REPS2: variants seen among roughly 807,000 people sequenced by gnomAD.
REPS2 encodes RALBP1 associated Eps domain containing 2, also known as ralBP1-associated Eps domain-containing protein 2.
A neutral mutation model predicts 53.6 loss-of-function variants in REPS2; 23 were observed. That is an observed-to-expected ratio of 0.43 (90% CI 0.31 to 0.61). The LOEUF (loss-of-function observed/expected upper bound fraction) is 0.61. Among genes scored for constraint, REPS2 ranks in the 20% least tolerant of loss-of-function variants. The pLI, the probability that REPS2 is intolerant of heterozygous loss-of-function variation, is 0.11. For synonymous variants in REPS2, 238 were observed against 218.6 expected, an observed-to-expected ratio of 1.09 and a Z score of -0.78; for missense variants, 446 against 534.9, an observed-to-expected ratio of 0.83 and a Z score of 1.64.
At chrX:17,073,702 T>C (rs781531581) in intron 11 of REPS2, among the ~76,000 whole-genome samples, 1 of 107,972 alleles carries the variant, frequency 9.3e-6, no homozygotes, top group African/African-American at 3.4e-5. Context: ...TGTAGTTAGA[T>C]AGACTTCTTC....
chrX:17,038,423 AGCTGG>A, intron 5 of REPS2, among the ~76,000 whole-genome samples: 1 of 111,906 alleles, frequency 8.9e-6, no homozygotes, highest in Non-Finnish European at 1.9e-5. Flanking sequence ...CGCACAGCAG[AGCTGG>A]GCTGCTGAGA....
chrX:17,006,336 T>C lies in REPS2; in HGVS notation c.389T>C (p.Ile130Thr). The C allele has an allele frequency of 8.3e-7, 1 of 1,209,050 alleles. No homozygotes were observed. Among genetic ancestry groups the C allele is most frequent in the South Asian group, 1.8e-5 (1 of 56,747 alleles). Residue 130 changes from isoleucine (I) to threonine (T), a missense_variant, in exon 2 of 18, where the codon ATT becomes ACT. Coordinates refer to ENST00000357277, the MANE Select transcript of REPS2 (RefSeq NM_004726.3). ...GGCCTCCCGGTACGGATAGAGAGTA[T>C]TAAATGTGGTGAGTATCTCACATTT... ...QSGLPVRIESIKCELPLPRFM... is the reference protein window; with the variant it reads ...QSGLPVRIESTKCELPLPRFM...
Position 17,075,804 on chromosome X carries a change from T to C in REPS2, c.1380-1467T>C, listed in dbSNP as rs187453195. ...ACACATTATTTACACACACATTATTTCTTTTTTGAGTGAAAGATGTCACTA... is the reference window on the plus strand; with the variant it reads ...ACACATTATTTACACACACATTATTCCTTTTTTGAGTGAAAGATGTCACTA... On this transcript the variant is annotated intron_variant, in intron 12 of 17. Coordinates refer to ENST00000357277, the MANE Select transcript of REPS2 (RefSeq NM_004726.3). Among the ~76,000 whole-genome samples, 248 of 112,926 alleles carry C rather than the reference T, an allele frequency of 2.2e-3. 1 individual carries two copies. Among genetic ancestry groups the C allele is most frequent in the African/African-American group, 7.1e-3 (222 of 31,093 alleles).
At chrX:17,134,107 A>C (rs968719711) in intron 15 of REPS2, among the ~76,000 whole-genome samples, 200 bp downstream of exon 15, 2 of 111,637 alleles carry the variant, frequency 1.8e-5, no homozygotes, top group Non-Finnish European at 3.8e-5. Context: ...CATTTTGTAC[A>C]TGACAGTACA....
At chrX:17,174,678 G>A in the REPS2 span, among the ~76,000 whole-genome samples, 1 of 112,628 alleles carries the variant, frequency 8.9e-6, no homozygotes, top group Non-Finnish European at 1.9e-5. Context: ...AAGTTAGTTT[G>A]GGAAGCCATC....
chrX:17,170,914 G>T, the REPS2 span, among the ~76,000 whole-genome samples: 1 of 112,928 alleles, frequency 8.9e-6, no homozygotes, highest in Non-Finnish European at 1.9e-5. Context: ...ACATTGGTTG[G>T]CTTGGCCTAG....
At chrX:17,066,237 G>A (rs752452957) in intron 9 of REPS2, among the ~76,000 whole-genome samples, 75 of 111,871 alleles carry the variant, frequency 6.7e-4, no homozygotes, top group Non-Finnish European at 1.2e-3. Flanking sequence ...TCTTTTTCAA[G>A]AATATTTTGC....
chrX:16,946,658 A>G lies in REPS2; in HGVS notation c.-204A>G. On this transcript the variant is annotated 5_prime_UTR_variant, in exon 1 of 18. Coordinates refer to ENST00000357277, the MANE Select transcript of REPS2 (RefSeq NM_004726.3). ...TCCATGTGCCGCGCAGCTGAGGCAC[A>G]ACATTCAAGCCCGGGGGTGGGGCCG... 1 of 235,568 alleles carries G rather than the reference A, an allele frequency of 4.2e-6. No homozygotes were observed. Among genetic ancestry groups the G allele is most frequent in the Non-Finnish European group, 6.0e-6 (1 of 167,017 alleles). 19.4% of individuals were successfully genotyped at this position (235,568 alleles called of 1,213,427 possible).
At chrX:16,956,756 A>G (rs1401088474) in intron 1 of REPS2, among the ~76,000 whole-genome samples, 1 of 112,474 alleles carries the variant, frequency 8.9e-6, no homozygotes, top group East Asian at 2.8e-4. Context: ...TTCACTGCAA[A>G]GGAGGAAGGA....
chrX:17,141,419 A>C (rs1388482559), intron 17 of REPS2, among the ~76,000 whole-genome samples: 1 of 112,185 alleles, frequency 8.9e-6, no homozygotes, highest in Non-Finnish European at 1.9e-5. Context: ...AATATGTTAC[A>C]GTTTGGTTAT....
chrX:16,988,138 A>G (rs1376877467), intron 1 of REPS2, among the ~76,000 whole-genome samples: 3 of 111,227 alleles, frequency 2.7e-5, no homozygotes, highest in Non-Finnish European at 5.7e-5. Flanking sequence ...AAAAATTAGC[A>G]GGGTGTTATG....
intron 1 of REPS2, among the ~76,000 whole-genome samples, chrX:16,951,559 A>ACACACACACACACACC (rs879259718): frequency 5.3e-5 from 2 of 37,475 alleles, no homozygotes; most frequent in Admixed American, 2.9e-4. Context: ...ACACACACAC[A>ACACACACACACACACC]CCCCCGCTAC....
intron 13 of REPS2, among the ~76,000 whole-genome samples, chrX:17,090,468 G>A (rs1367939442): frequency 1.8e-5 from 2 of 111,363 alleles, no homozygotes; most frequent in Non-Finnish European, 3.8e-5. Flanking sequence ...CTCCCACTGG[G>A]TCCTTCCCAC....
intron 3 of REPS2, 145 bp downstream of exon 3, chrX:17,022,416 C>T: frequency 1.9e-6 from 1 of 514,952 alleles, no homozygotes; most frequent in East Asian, 3.8e-5. Context: ...AAAGTTTTCT[C>T]CTAGCAAGAA....
At chrX:17,078,856 ACT>A (rs1342304403) in intron 13 of REPS2, among the ~76,000 whole-genome samples, 1 of 111,952 alleles carries the variant, frequency 8.9e-6, no homozygotes, top group East Asian at 2.8e-4. Context: ...CTGCTTATTC[ACT>A]GTTTGATTTT....
chrX:17,025,533 G>T (rs1025822125), intron 4 of REPS2, among the ~76,000 whole-genome samples: 9 of 111,631 alleles, frequency 8.1e-5, no homozygotes, highest in Non-Finnish European at 1.3e-4. Context: ...GCACACCAAA[G>T]ATATTTATAT....
chrX:17,019,250 C>T (rs1238323213), intron 2 of REPS2, among the ~76,000 whole-genome samples: 1 of 112,292 alleles, frequency 8.9e-6, no homozygotes, highest in African/African-American at 3.2e-5. Context: ...GTTTAATATA[C>T]AAAGCATTTC....
chrX:17,119,868 C>CTTTTTTTTT (rs35141257), intron 14 of REPS2, among the ~76,000 whole-genome samples: 1 of 40,516 alleles, frequency 2.5e-5, no homozygotes, highest in Non-Finnish European at 3.9e-5. Context: ...CGCACTGTGA[C>CTTTTTTTTT]TTTTTTTTTT....
Position 16,946,729 on chromosome X carries a change from G to GGGTGGTGGTGGCGGCGGCGGT in REPS2, c.-127_-107dup, listed in dbSNP as rs1602464536. ...GCCGCGCGGCAGCTGCGGGGCGTGG[G>GGGTGGTGGTGGCGGCGGCGGT]GGTGGTGGTGGCGGCGGCGGTGGTG... On this transcript the variant is annotated 5_prime_UTR_variant, in exon 1 of 18. Transcript: ENST00000357277. The GGGTGGTGGTGGCGGCGGCGGT allele has an allele frequency of 1.5e-6, 1 of 668,597 alleles. No homozygotes were observed. Among genetic ancestry groups the GGGTGGTGGTGGCGGCGGCGGT allele is most frequent in the Non-Finnish European group, 1.8e-6 (1 of 569,698 alleles). 55.1% of individuals were successfully genotyped at this position (668,597 alleles called of 1,213,427 possible).
Sources: gnomAD v4.1 joint callset for allele counts (sites outside exome capture counted in the v4.1 genomes callset) on GRCh38, gnomAD v4.1.1 for gene constraint, MANE v1.5 for transcripts, NCBI Gene and HGNC (gene_info 2026-07-23, HGNC 2026-07-21) for gene names.